ECPAS: variants seen among roughly 807,000 people sequenced by gnomAD.
The protein encoded by ECPAS is proteasome adapter and scaffold protein ECM29.
Under a neutral mutation model 255.1 loss-of-function variants are expected in ECPAS, and 70 were observed. That is an observed-to-expected ratio of 0.27 (90% CI 0.23 to 0.33). The LOEUF is 0.33. Ranked by LOEUF, ECPAS falls within the 10% of genes least tolerant of loss-of-function variation. The probability of loss-of-function intolerance (pLI) is 1.00; values close to 1 mark genes in which losing one functional copy is unlikely to be tolerated. For synonymous variants in ECPAS, 784 were observed against 775.0 expected, an observed-to-expected ratio of 1.01 and a Z score of -0.19; for missense variants, 1,817 against 2,206.4, an observed-to-expected ratio of 0.82 and a Z score of 3.54.
At chr9:111,432,187 G>T (rs897768354) in intron 8 of ECPAS, among the ~76,000 whole-genome samples, 1 of 152,106 alleles carries the variant, frequency 6.6e-6, no homozygotes, top group African/African-American at 2.4e-5. Flanking sequence ...TTCTGCTTTT[G>T]AATAATTTCC....
intron 31 of ECPAS, among the ~76,000 whole-genome samples, chr9:111,388,372 CA>C (rs894579795): frequency 1.4e-5 from 2 of 147,670 alleles, no homozygotes; most frequent in East Asian, 2.0e-4. Flanking sequence ...TTGGCTGACC[CA>C]AAAGTGCCAC....
chr9:111,435,040 A>C (rs976795787), intron 7 of ECPAS, among the ~76,000 whole-genome samples: 1 of 151,454 alleles, frequency 6.6e-6, no homozygotes, highest in Non-Finnish European at 1.5e-5. Flanking sequence ...CTAGGGTTAC[A>C]GGCATGCACC....
chr9:111,484,147 G>A lies in ECPAS; in HGVS notation c.-114C>T, dbSNP rs2098311705. The A allele has an allele frequency of 1.4e-6, 2 of 1,466,244 alleles. No individual in the cohort carries two copies. The highest frequency in any genetic ancestry group is 2.3e-5 in the Admixed American group (1 of 43,132). The allele number at this position is 1,466,244 out of a possible 1,614,324, so 90.8% of individuals were successfully genotyped here. A position where few individuals can be genotyped will look rare whatever the true frequency, so the allele number is the denominator to read the frequency against. On this transcript the variant is annotated 5_prime_UTR_variant, in exon 1 of 50. Coordinates refer to ENST00000684092, the MANE Select transcript of ECPAS (RefSeq NM_001364929.1). Reference sequence around the variant, plus strand: ...CGGAGCCGGTCTCCATGCCGCGGACGCTGCGCTCGGCGCCGCGAGGTGAGG... The same window carrying A: ...CGGAGCCGGTCTCCATGCCGCGGACACTGCGCTCGGCGCCGCGAGGTGAGG...
intron 13 of ECPAS, among the ~76,000 whole-genome samples, chr9:111,422,515 T>A (rs992752488): frequency 6.6e-6 from 1 of 152,186 alleles, no homozygotes; most frequent in Non-Finnish European, 1.5e-5. Context: ...AGGGGCTTTG[T>A]TACTTCATGC....
chr9:111,440,105 G>A (rs935793252), intron 6 of ECPAS, among the ~76,000 whole-genome samples: 8 of 151,658 alleles, frequency 5.3e-5, no homozygotes, highest in African/African-American at 1.5e-4. Context: ...CCCAGTAATC[G>A]TCCCACCTTG....
intron 46 of ECPAS, among the ~76,000 whole-genome samples, chr9:111,367,194 G>C (rs73656234): frequency 0.056 from 8,507 of 152,134 alleles, 581 homozygotes; most frequent in African/African-American, 0.15. Flanking sequence ...ACTCAACAAC[G>C]AAGTTATTTT....
At chr9:111,412,566 C>T (rs1401224676) in intron 20 of ECPAS, among the ~76,000 whole-genome samples, 3 of 152,112 alleles carry the variant, frequency 2.0e-5, no homozygotes, top group Non-Finnish European at 4.4e-5. Flanking sequence ...AAACATTATT[C>T]GTTTCTTGAT....
In ECPAS at chr9:111,416,363, A is replaced by G. The variant is rs371018801; in HGVS notation, c.1684-11T>C. Reference sequence around the variant, plus strand: ...CATTCGATGAGAAGCCTAAGTTTAAAAAGTCCAAAACAGACACAATTACTG... The same window carrying G: ...CATTCGATGAGAAGCCTAAGTTTAAGAAGTCCAAAACAGACACAATTACTG... On this transcript the variant is annotated splice_polypyrimidine_tract_variant and intron_variant, in intron 17 of 49. Coordinates refer to ENST00000684092, the MANE Select transcript of ECPAS (RefSeq NM_001364929.1). 52 of 1,608,194 alleles carry G rather than the reference A, an allele frequency of 3.2e-5. No individual in the cohort carries two copies. In the African/African-American group the frequency reaches 3.7e-4, roughly 12 times the overall value.
chr9:111,419,512 G>T (rs1018583852), intron 16 of ECPAS, among the ~76,000 whole-genome samples: 2 of 151,802 alleles, frequency 1.3e-5, no homozygotes, highest in Non-Finnish European at 2.9e-5. Flanking sequence ...CTTTTAAAAA[G>T]CATTACACAC....
At position 111,462,196 on chromosome 9, in the gene ECPAS, T is replaced by G. The variant is rs1032989203; in HGVS notation, c.23-10641A>C. 2.0e-5 allele frequency among the ~76,000 whole-genome samples: 3 copies of G among 152,210 alleles called. No individual in the cohort carries two copies. In the East Asian group the frequency reaches 5.8e-4, roughly 29 times the overall value. On this transcript the variant is annotated intron_variant, in intron 2 of 49. Transcript: ENST00000684092. Reference sequence around the variant, plus strand: ...TACCTCGAGATAGGAAAAGATATCTTAAAACAAGAAGCTAGATGGTAAGGG... The same window carrying G: ...TACCTCGAGATAGGAAAAGATATCTGAAAACAAGAAGCTAGATGGTAAGGG...
intron 35 of ECPAS, among the ~76,000 whole-genome samples, chr9:111,382,171 A>T (rs371340368): frequency 6.6e-6 from 1 of 152,010 alleles, no homozygotes; most frequent in African/African-American, 2.4e-5. Flanking sequence ...AATCATTATA[A>T]AGTTCTCTTC....
intron 10 of ECPAS, among the ~76,000 whole-genome samples, chr9:111,427,599 A>T (rs937565823): frequency 6.6e-6 from 1 of 152,250 alleles, no homozygotes; most frequent in Admixed American, 6.5e-5. Context: ...ACATAAAGAG[A>T]TATCCTGGGG....
Position 111,444,463 on chromosome 9 carries a change from C to A in ECPAS, c.185G>T (p.Arg62Leu), listed in dbSNP as rs1460406726. The A allele has an allele frequency of 6.2e-7, 1 of 1,613,498 alleles. No homozygotes were observed. The highest frequency in any genetic ancestry group is 8.5e-7 in the Non-Finnish European group (1 of 1,179,646). Residue 62 changes from arginine (R) to leucine (L), a missense_variant, in exon 4 of 50, where the codon CGT becomes CTT. Physicochemically the swap from Arg to Leu is moderately radical, Grantham distance 102. Coordinates refer to ENST00000684092, the MANE Select transcript of ECPAS (RefSeq NM_001364929.1). ...VMELLVHLNK[R>L]IKSRPKIQLP... ...TTGTATTTTGGGGCGGCTTTTTATA[C>A]GTTTATTCAGATGGACCAGCAGTTC...
In ECPAS at chr9:111,371,664, G is replaced by C; in HGVS notation, c.4694C>G (p.Thr1565Ser). The C allele has an allele frequency of 6.2e-7, 1 of 1,613,830 alleles. No homozygotes were observed. Among genetic ancestry groups the C allele is most frequent in the Non-Finnish European group, 8.5e-7 (1 of 1,179,794 alleles). Residue 1565 changes from threonine (T) to serine (S), a missense_variant, in exon 43 of 50, where the codon ACC becomes AGC. Coordinates refer to ENST00000684092, the MANE Select transcript of ECPAS (RefSeq NM_001364929.1). The part of the protein sequence containing the change: ...LVPPYLGMIL[T>S]ALLQGLAGRT... ...TCCAGCCAGGCCTTGCAGCAATGCG[G>C]TCAGTATCATTCCGAGATATGGAGG...
intron 24 of ECPAS, among the ~76,000 whole-genome samples, chr9:111,399,356 G>C (rs2098172149): frequency 6.6e-6 from 1 of 152,234 alleles, no homozygotes; most frequent in South Asian, 2.1e-4. Flanking sequence ...ACTGAATAGA[G>C]TGGGAAGTAC....
rs765214071 is a variant in ECPAS at position 111,442,296 on chromosome 9, G to GAAA, written c.389+7_389+9dup. The GAAA allele has an allele frequency of 7.1e-6, 11 of 1,547,328 alleles. No individual in the cohort carries two copies. The highest frequency in any genetic ancestry group is 2.7e-5 in the African/African-American group (2 of 73,340). Reference sequence around the variant, plus strand: ...GTAGGAGGGAAATTAGTTAATTGAGGAAATCATACCTATCCTGCTGTGGCT... The same window carrying GAAA: ...GTAGGAGGGAAATTAGTTAATTGAGGAAAAAATCATACCTATCCTGCTGTGGCT... On this transcript the variant is annotated intron_variant, in intron 5 of 49. Coordinates refer to ENST00000684092, the MANE Select transcript of ECPAS (RefSeq NM_001364929.1).
intron 3 of ECPAS, among the ~76,000 whole-genome samples, chr9:111,449,252 G>C (rs911065923): frequency 2.0e-5 from 3 of 151,934 alleles, no homozygotes; most frequent in Non-Finnish European, 1.5e-5. Context: ...AAAAAATACA[G>C]TTAAAAAGGG....
intron 16 of ECPAS, among the ~76,000 whole-genome samples, chr9:111,418,486 T>A (rs1452732054): frequency 1.3e-5 from 2 of 152,166 alleles, no homozygotes; most frequent in East Asian, 3.9e-4. Context: ...TCAGACCACC[T>A]AGAGACTGAT....
chr9:111,370,281 C>T (rs2098125719), intron 45 of ECPAS, among the ~76,000 whole-genome samples, 154 bp downstream of exon 45: 1 of 152,238 alleles, frequency 6.6e-6, no homozygotes, highest in Non-Finnish European at 1.5e-5. Flanking sequence ...TTGTGAGAAA[C>T]ATAGCATTGA....
Sources: gnomAD v4.1 joint callset for allele counts (sites outside exome capture counted in the v4.1 genomes callset) on GRCh38, gnomAD v4.1.1 for gene constraint, MANE v1.5 for transcripts, NCBI Gene and HGNC (gene_info 2026-07-23, HGNC 2026-07-21) for gene names.